The following MRTFA variants were observed in gnomAD, a reference collection of about 807,000 sequenced individuals.
MRTFA encodes the protein myocardin-related transcription factor A.
Under a neutral mutation model 83.5 loss-of-function variants are expected in MRTFA, and 20 were observed. The observed-to-expected ratio is 0.24, with a 90% CI of 0.17 to 0.35. The LOEUF is 0.35. Ranked by LOEUF, MRTFA falls within the 10% of genes least tolerant of loss-of-function variation. The probability of loss-of-function intolerance (pLI) is 1.00; values close to 1 mark genes in which losing one functional copy is unlikely to be tolerated. For synonymous variants in MRTFA, 659 were observed against 541.2 expected, an observed-to-expected ratio of 1.22 and a Z score of -3.02; for missense variants, 1,200 against 1,224.7, an observed-to-expected ratio of 0.98 and a Z score of 0.30.
chr22:40,441,245 C>T (rs1192886770), intron 4 of MRTFA, among the ~76,000 whole-genome samples: 1 of 152,200 alleles, frequency 6.6e-6, no homozygotes, highest in Non-Finnish European at 1.5e-5. Flanking sequence ...GAAAAATAAG[C>T]AAGCTCCCCA....
chr22:40,634,585 C>T (rs1262432847), intron 1 of MRTFA, among the ~76,000 whole-genome samples: 3 of 152,128 alleles, frequency 2.0e-5, no homozygotes, highest in African/African-American at 7.2e-5. Context: ...CATTTTTTGC[C>T]TCTCCCACTA....
intron 4 of MRTFA, among the ~76,000 whole-genome samples, chr22:40,462,110 T>C (rs1470887244): frequency 6.6e-6 from 1 of 152,256 alleles, no homozygotes; most frequent in Non-Finnish European, 1.5e-5. Context: ...TTATTCGAAG[T>C]GACTCCATCT....
At chr22:40,457,308 T>C (rs1431719419) in intron 4 of MRTFA, among the ~76,000 whole-genome samples, 1 of 151,540 alleles carries the variant, frequency 6.6e-6, no homozygotes, top group African/African-American at 2.4e-5. Flanking sequence ...GAGGTTGCAG[T>C]GAGCTTAGAT....
At chr22:40,624,836 T>A (rs1292988253) in intron 1 of MRTFA, among the ~76,000 whole-genome samples, 1 of 152,232 alleles carries the variant, frequency 6.6e-6, no homozygotes, top group Admixed American at 6.5e-5. Context: ...CTGGTTTCCA[T>A]ATATATTGAT....
intron 4 of MRTFA, among the ~76,000 whole-genome samples, chr22:40,449,239 C>T (rs567934360): frequency 2.7e-5 from 4 of 149,704 alleles, no homozygotes; most frequent in East Asian, 3.9e-4. Flanking sequence ...TACACTCCAG[C>T]CTGGGTGACA....
chr22:40,420,135 G>A (rs2147071672), intron 11 of MRTFA, among the ~76,000 whole-genome samples: 1 of 152,346 alleles, frequency 6.6e-6, no homozygotes, highest in Admixed American at 6.5e-5. Flanking sequence ...TAAGAGACAT[G>A]CGACTGCCTG....
At chr22:40,452,433 T>A (rs2053510975) in intron 4 of MRTFA, among the ~76,000 whole-genome samples, 1 of 152,222 alleles carries the variant, frequency 6.6e-6, no homozygotes, top group South Asian at 2.1e-4. Context: ...GAAGTTAGCC[T>A]TGGATATCTC....
intron 1 of MRTFA, among the ~76,000 whole-genome samples, chr22:40,624,551 C>T (rs1434387248): frequency 1.3e-5 from 2 of 151,676 alleles, no homozygotes; most frequent in Admixed American, 6.6e-5. Context: ...TATCTCTAAA[C>T]AGTAGGGAAA....
chr22:40,615,685 TC>T (rs1384808055), intron 1 of MRTFA, among the ~76,000 whole-genome samples: 17 of 137,648 alleles, frequency 1.2e-4, no homozygotes, highest in African/African-American at 4.7e-4. Context: ...TATTTTCTTT[TC>T]TTTTTTTTTT....
chr22:40,609,872 A>G (rs968283143), intron 1 of MRTFA, among the ~76,000 whole-genome samples: 5 of 152,106 alleles, frequency 3.3e-5, no homozygotes, highest in Admixed American at 6.5e-5. Context: ...TATTTGAAAT[A>G]ATATATTCTG....
At chr22:40,426,067 G>T (rs963981586) in intron 7 of MRTFA, among the ~76,000 whole-genome samples, 1 of 152,162 alleles carries the variant, frequency 6.6e-6, no homozygotes, top group African/African-American at 2.4e-5. Context: ...GACTTAAAGT[G>T]AACCTTGACG....
intron 1 of MRTFA, among the ~76,000 whole-genome samples, chr22:40,613,725 G>A (rs893326024): frequency 6.6e-6 from 1 of 151,852 alleles, no homozygotes; most frequent in African/African-American, 2.4e-5. Context: ...TGGCTGACAT[G>A]GTGAAACCCC....
chr22:40,494,262 T>C (rs575278892), intron 3 of MRTFA, among the ~76,000 whole-genome samples: 1 of 152,328 alleles, frequency 6.6e-6, no homozygotes, highest in African/African-American at 2.4e-5. Flanking sequence ...TATTATTTTA[T>C]ATTAATTGTA....
chr22:40,621,493 G>C (rs2056522536), intron 1 of MRTFA, among the ~76,000 whole-genome samples: 1 of 152,090 alleles, frequency 6.6e-6, no homozygotes, highest in East Asian at 1.9e-4. Flanking sequence ...TTGTTTAATG[G>C]GTATAGAGCT....
At chr22:40,444,169 T>C (rs1276207346) in intron 4 of MRTFA, among the ~76,000 whole-genome samples, 1 of 152,006 alleles carries the variant, frequency 6.6e-6, no homozygotes, top group African/African-American at 2.4e-5. Context: ...TCCTAACATA[T>C]TACAAACATA....
At chr22:40,437,029 G>T (rs930153463) in intron 4 of MRTFA, among the ~76,000 whole-genome samples, 1 of 152,068 alleles carries the variant, frequency 6.6e-6, no homozygotes, top group Non-Finnish European at 1.5e-5. Flanking sequence ...AATTTTTTGT[G>T]AATCTTAAGA....
At chr22:40,550,357 T>TA (rs902868107) in intron 3 of MRTFA, among the ~76,000 whole-genome samples, 13 of 152,080 alleles carry the variant, frequency 8.5e-5, no homozygotes, top group Admixed American at 1.3e-4. Flanking sequence ...GGTAAGGAGA[T>TA]ACGTGTCCTA....
At chr22:40,454,025 G>A (rs2053542208) in intron 4 of MRTFA, among the ~76,000 whole-genome samples, 1 of 152,228 alleles carries the variant, frequency 6.6e-6, no homozygotes, top group African/African-American at 2.4e-5. Context: ...GTACCATGCT[G>A]ACTAGTGGTT....
intron 3 of MRTFA, among the ~76,000 whole-genome samples, chr22:40,484,627 C>T (rs1436000752): frequency 1.3e-5 from 2 of 152,114 alleles, no homozygotes; most frequent in East Asian, 1.9e-4. Context: ...CAAAATTTTA[C>T]GAAACAAACC....
Sources: gnomAD v4.1 joint callset for allele counts (sites outside exome capture counted in the v4.1 genomes callset) on GRCh38, gnomAD v4.1.1 for gene constraint, MANE v1.5 for transcripts, NCBI Gene and HGNC (gene_info 2026-07-23, HGNC 2026-07-21) for gene names.